PMFBP1: variants seen among roughly 807,000 people sequenced by gnomAD.
The protein encoded by PMFBP1 is polyamine modulated factor 1 binding protein 1.
A neutral mutation model predicts 137.8 loss-of-function variants in PMFBP1; 131 were observed. That is an observed-to-expected ratio of 0.95 (90% CI 0.82 to 1.10). The LOEUF (loss-of-function observed/expected upper bound fraction) is 1.10. Among genes scored for constraint, PMFBP1 ranks in the 50% least tolerant of loss-of-function variants. The pLI, the probability that PMFBP1 is intolerant of heterozygous loss-of-function variation, is 0.00. For missense variants in PMFBP1, 1,199 were observed against 1,175.4 expected (o/e 1.02, Z -0.29); for synonymous variants, 490 against 450.4 (o/e 1.09, Z -1.11).
the PMFBP1 span, among the ~76,000 whole-genome samples, chr16:72,237,202 G>A: frequency 6.6e-6 from 1 of 152,186 alleles, no homozygotes; most frequent in African/African-American, 2.4e-5. Flanking sequence ...TTTGTGGGAT[G>A]ACATGGGAAG....
intron 2 of PMFBP1, among the ~76,000 whole-genome samples, chr16:72,168,018 T>C (rs936942662): frequency 3.3e-5 from 5 of 152,208 alleles, no homozygotes; most frequent in Admixed American, 6.5e-5. Flanking sequence ...AAGTTCAGAA[T>C]TGGATCTTCA....
At chr16:72,184,254 A>C in the PMFBP1 span, among the ~76,000 whole-genome samples, 2 of 152,064 alleles carry the variant, frequency 1.3e-5, no homozygotes, top group African/African-American at 4.8e-5. Context: ...GTTATCATCC[A>C]TATCAGGTTG....
the PMFBP1 span, among the ~76,000 whole-genome samples, chr16:72,235,192 C>A: frequency 2.6e-5 from 4 of 152,028 alleles, no homozygotes; most frequent in African/African-American, 9.6e-5. Flanking sequence ...TGTCTATGAT[C>A]GATTTTGAGT....
intron 3 of PMFBP1, chr16:72,164,458 C>T (rs188311949): frequency 7.2e-7 from 1 of 1,379,966 alleles, no homozygotes; most frequent in East Asian, 3.9e-5. Context: ...CCTTGTATCA[C>T]TATGATCTGA....
At chr16:72,249,907 C>T in the PMFBP1 span, among the ~76,000 whole-genome samples, 10 of 108,454 alleles carry the variant, frequency 9.2e-5, no homozygotes, top group South Asian at 3.1e-4. Flanking sequence ...GGTGACACAG[C>T]GAGACTCCAT....
At chr16:72,190,757 C>T in the PMFBP1 span, among the ~76,000 whole-genome samples, 1 of 152,090 alleles carries the variant, frequency 6.6e-6, no homozygotes, top group Non-Finnish European at 1.5e-5. Context: ...AATCTGAGCA[C>T]ACACTCTTTG....
At chr16:72,178,064 G>A (rs1395843215), upstream of PMFBP1, among the ~76,000 whole-genome samples, 6 of 151,972 alleles carry the variant, frequency 3.9e-5, no homozygotes, top group Non-Finnish European at 2.9e-5. Flanking sequence ...GCTAATTTTT[G>A]TATTTTTTTG....
At position 72,150,591 on chromosome 16, in the gene PMFBP1, C is replaced by T. The variant is rs1167860600; in HGVS notation, c.636+17G>A. Reference sequence around the variant, plus strand: ...ACATCCACTTGCCTGGATTGAATGGCCTGACTTAAGTCCTACCTGACCCAT... The same window carrying T: ...ACATCCACTTGCCTGGATTGAATGGTCTGACTTAAGTCCTACCTGACCCAT... On this transcript the variant is annotated intron_variant, in intron 5 of 20. Coordinates refer to ENST00000237353, the MANE Select transcript of PMFBP1 (RefSeq NM_031293.3). 6.2e-7 allele frequency: 1 copy of T among 1,610,662 alleles called. No homozygotes were observed.
intron 3 of PMFBP1, among the ~76,000 whole-genome samples, chr16:72,154,860 A>G (rs1335173418): frequency 6.6e-6 from 1 of 152,162 alleles, no homozygotes; most frequent in Non-Finnish European, 1.5e-5. Context: ...TGGTATTAAA[A>G]ACACCTGGGT....
downstream of PMFBP1, among the ~76,000 whole-genome samples, chr16:72,117,864 T>C (rs2042324362): frequency 6.6e-6 from 1 of 152,236 alleles, no homozygotes; most frequent in Non-Finnish European, 1.5e-5. Flanking sequence ...TTAGAGAAAC[T>C]GCACTTCTCT....
At chr16:72,171,411 CTGTT>C in intron 1 of PMFBP1, 143 bp from the exon 2 acceptor site, 1 of 532,120 alleles carries the variant, frequency 1.9e-6, no homozygotes, top group Non-Finnish European at 3.3e-6. Context: ...GCTTACCCAT[CTGTT>C]TGTGTTTTTA....
chr16:72,243,987 T>C, the PMFBP1 span, among the ~76,000 whole-genome samples: 1 of 152,208 alleles, frequency 6.6e-6, no homozygotes, highest in African/African-American at 2.4e-5. Context: ...AATTTCCAAT[T>C]TTCAGTGTTT....
chr16:72,214,284 T>C, the PMFBP1 span, among the ~76,000 whole-genome samples: 3 of 151,982 alleles, frequency 2.0e-5, no homozygotes, highest in African/African-American at 7.2e-5. Context: ...AACCTCTGCC[T>C]CCCGGGTTCA....
At chr16:72,128,445 T>C (rs1369707991) in intron 14 of PMFBP1, 2 of 1,514,388 alleles carry the variant, frequency 1.3e-6, no homozygotes, top group East Asian at 2.5e-5. Context: ...CCACCAGATA[T>C]GAGATGAGAC....
At chr16:72,121,546 C>T (rs1295587050) in intron 19 of PMFBP1, among the ~76,000 whole-genome samples, 1 of 152,242 alleles carries the variant, frequency 6.6e-6, no homozygotes, top group South Asian at 2.1e-4. Flanking sequence ...TTTGGAGATG[C>T]CTGCCTGCCC....
At chr16:72,208,499 AATT>A in the PMFBP1 span, among the ~76,000 whole-genome samples, 2 of 152,240 alleles carry the variant, frequency 1.3e-5, no homozygotes, top group East Asian at 3.8e-4. Context: ...TTTCCATTCT[AATT>A]ATATTTTCCC....
the PMFBP1 span, among the ~76,000 whole-genome samples, chr16:72,201,986 C>T: frequency 3.3e-5 from 5 of 152,208 alleles, no homozygotes; most frequent in African/African-American, 1.2e-4. Flanking sequence ...ATTTCACTTG[C>T]TACCTTGTAA....
At chr16:72,218,323 C>T in the PMFBP1 span, among the ~76,000 whole-genome samples, 1 of 152,136 alleles carries the variant, frequency 6.6e-6, no homozygotes, top group Non-Finnish European at 1.5e-5. Flanking sequence ...CTGAAGGATT[C>T]TTAATACTTA....
intron 2 of PMFBP1, among the ~76,000 whole-genome samples, chr16:72,166,401 A>C (rs2043145244): frequency 6.6e-6 from 1 of 152,126 alleles, no homozygotes; most frequent in African/African-American, 2.4e-5. Flanking sequence ...AGGCCTCCCC[A>C]GCTATGTGGA....
Sources: allele counts gnomAD v4.1 joint callset (sites outside exome capture counted in the v4.1 genomes callset), GRCh38; gene constraint gnomAD v4.1.1; transcripts MANE v1.5; gene names NCBI Gene and HGNC (gene_info 2026-07-23, HGNC 2026-07-21).